TLL2: variants seen among roughly 807,000 people sequenced by gnomAD.
The protein encoded by TLL2 is tolloid like 2.
Under a neutral mutation model 123.0 loss-of-function variants are expected in TLL2, and 106 were observed. That is an observed-to-expected ratio of 0.86 (90% confidence interval 0.74 to 1.01). The LOEUF (loss-of-function observed/expected upper bound fraction) is 1.01, where lower values mean the gene tolerates loss of function less well. Among genes scored for constraint, TLL2 ranks in the 50% least tolerant of loss-of-function variants. The pLI, the probability that TLL2 is intolerant of heterozygous loss-of-function variation, is 0.00. For synonymous variants in TLL2, 494 were observed against 516.8 expected, an observed-to-expected ratio of 0.96 and a Z score of 0.60; for missense variants, 1,332 against 1,336.7, an observed-to-expected ratio of 1.00 and a Z score of 0.06.
At chr10:96,448,373 G>A (rs1252897574) in intron 2 of TLL2, among the ~76,000 whole-genome samples, 1 of 152,178 alleles carries the variant, frequency 6.6e-6, no homozygotes, top group African/African-American at 2.4e-5. Flanking sequence ...TGGTGTGGAG[G>A]CGAGCTGGAG....
At chr10:96,482,949 G>A (rs1054354090) in intron 1 of TLL2, among the ~76,000 whole-genome samples, 10 of 152,312 alleles carry the variant, frequency 6.6e-5, no homozygotes, top group East Asian at 1.9e-4. Flanking sequence ...TGTTTCTCTC[G>A]CAGAAGCTTC....
intron 7 of TLL2, among the ~76,000 whole-genome samples, chr10:96,418,099 G>A (rs1260838798): frequency 6.6e-6 from 1 of 152,150 alleles, no homozygotes; most frequent in Non-Finnish European, 1.5e-5. Context: ...TTTATTTCAT[G>A]GGTTTGGCCC....
chr10:96,365,812 C>T lies in TLL2; in HGVS notation c.*2276G>A, dbSNP rs1366771910. 6.6e-6 allele frequency: 1 copy of T among 152,212 alleles called. No individual in the cohort carries two copies. Among genetic ancestry groups the T allele is most frequent in the African/African-American group, 2.4e-5 (1 of 41,460 alleles). 9.4% of individuals were successfully genotyped at this position (152,212 alleles called of 1,614,324 possible). A position where few individuals can be genotyped will look rare whatever the true frequency, so the allele number is the denominator to read the frequency against. ...GCTTCTCTTTTCTGTGGATACGTCA[C>T]ACAGAAGGCCTAAATAAAGGTTTTT... On this transcript the variant is annotated 3_prime_UTR_variant, in exon 21 of 21. Transcript: ENST00000357947.
At chr10:96,400,063 C>A (rs540840149) in intron 10 of TLL2, among the ~76,000 whole-genome samples, 3 of 152,324 alleles carry the variant, frequency 2.0e-5, no homozygotes, top group Admixed American at 6.5e-5. Context: ...TCTACTTTGT[C>A]CCTTAACTGA....
At position 96,384,610 on chromosome 10, in the gene TLL2, C is replaced by A. The variant is rs1280449306; in HGVS notation, c.2171G>T (p.Gly724Val). The change falls in exon 16 of 21, where the codon GGC (glycine) becomes GTC (valine). Residue 724 changes from glycine (G) to valine (V), a missense_variant. Transcript: ENST00000357947. The part of the protein sequence containing the change: ...FKSDNTVSKR[G>V]FRAHFFSDKD... ...ACCTGAGAAGAAGTGGGCCCTGAAG[C>A]CGCGCTTGGAGACGGTGTTGTCGGA... 1.3e-6 allele frequency: 2 copies of A among 1,599,800 alleles called. No individual in the cohort carries two copies. The highest frequency in any genetic ancestry group is 1.7e-6 in the Non-Finnish European group (2 of 1,170,186).
At chr10:96,448,284 A>G (rs566973906) in intron 2 of TLL2, among the ~76,000 whole-genome samples, 1 of 152,246 alleles carries the variant, frequency 6.6e-6, no homozygotes, top group South Asian at 2.1e-4. Context: ...TTGCAGCAAT[A>G]TCATTTCCTC....
In TLL2 at chr10:96,480,420, A is replaced by G; in HGVS notation, c.215T>C (p.Leu72Ser). The change falls in exon 2 of 21, where the codon TTG (leucine) becomes TCG (serine). Residue 72 changes from leucine to serine, a missense_variant. Leu to Ser is a moderately radical substitution (Grantham distance 145, BLOSUM62 -2). Transcript: ENST00000357947. ...WGDIALDEDD[L>S]KLFHIDKARD... The stretch of plus-strand genomic sequence containing the variant: ...GGCTTTGTCAATGTGAAACAGCTTC[A>G]AGTCATCTTCATCTAAGGCAATGTC... 2 of 1,614,184 alleles carry G rather than the reference A, an allele frequency of 1.2e-6. No individual in the cohort carries two copies. The highest frequency in any genetic ancestry group is 1.7e-6 in the Non-Finnish European group (2 of 1,180,024).
chr10:96,497,447 C>T (rs1700536888), intron 1 of TLL2, among the ~76,000 whole-genome samples: 1 of 152,208 alleles, frequency 6.6e-6, no homozygotes, highest in South Asian at 2.1e-4. Flanking sequence ...AGGAAGCGTG[C>T]TTCTGTGGAC....
At chr10:96,385,689 G>A (rs1846227546) in intron 15 of TLL2, among the ~76,000 whole-genome samples, 1 of 152,216 alleles carries the variant, frequency 6.6e-6, no homozygotes, top group East Asian at 1.9e-4. Flanking sequence ...GAAACAGGCT[G>A]TCTGTAGCAT....
At chr10:96,404,158 G>A (rs1410967873) in intron 10 of TLL2, among the ~76,000 whole-genome samples, 2 of 152,246 alleles carry the variant, frequency 1.3e-5, no homozygotes, top group East Asian at 1.9e-4. Context: ...GGTCCCCTGG[G>A]CCCACTGTTG....
At chr10:96,482,925 G>T (rs1847324685) in intron 1 of TLL2, among the ~76,000 whole-genome samples, 1 of 152,196 alleles carries the variant, frequency 6.6e-6, no homozygotes, top group Admixed American at 6.5e-5. Context: ...TTCAGATAAA[G>T]AAAACTAAGA....
intron 2 of TLL2, among the ~76,000 whole-genome samples, chr10:96,449,220 A>C (rs1846930071): frequency 6.6e-6 from 1 of 152,206 alleles, no homozygotes; most frequent in South Asian, 2.1e-4. Context: ...TTGAGGAAGC[A>C]GAGAGAGTTA....
chr10:96,417,203 T>C (rs58479067), intron 7 of TLL2, among the ~76,000 whole-genome samples: 1,751 of 152,312 alleles, frequency 0.011, 34 homozygotes, highest in African/African-American at 0.04. Flanking sequence ...AGGCCAGCTT[T>C]AGGGTCTTTG....
chr10:96,438,831 TC>T (rs1846822584), intron 3 of TLL2, among the ~76,000 whole-genome samples: 1 of 152,202 alleles, frequency 6.6e-6, no homozygotes, highest in South Asian at 2.1e-4. Context: ...ATAATTCCTC[TC>T]TATTCCTAAT....
intron 1 of TLL2, among the ~76,000 whole-genome samples, chr10:96,498,551 C>T (rs1847501608): frequency 6.6e-6 from 1 of 152,160 alleles, no homozygotes; most frequent in Non-Finnish European, 1.5e-5. Flanking sequence ...TACTTCTCTC[C>T]CTTCTTCCAT....
At chr10:96,394,336 A>G (rs747860433) in intron 13 of TLL2, among the ~76,000 whole-genome samples, 8 of 152,122 alleles carry the variant, frequency 5.3e-5, no homozygotes, top group Non-Finnish European at 1.0e-4. Flanking sequence ...TGCAGTGGGG[A>G]GCAGCCATGC....
chr10:96,506,846 G>A (rs1486447278), intron 1 of TLL2, among the ~76,000 whole-genome samples: 4 of 152,194 alleles, frequency 2.6e-5, no homozygotes, highest in South Asian at 4.1e-4. Context: ...TTCCACTGAT[G>A]TAAGACTTGG....
In TLL2 at chr10:96,395,906, A is replaced by C; in HGVS notation, c.1499T>G (p.Phe500Cys). The change falls in exon 12 of 21, where the codon TTT (phenylalanine) becomes TGT (cysteine). Residue 500 changes from phenylalanine to cysteine, a missense_variant. Phe to Cys is a radical substitution (Grantham distance 205, BLOSUM62 -2). Transcript: ENST00000357947. Reference sequence around the variant, plus strand: ...AGCTTGGAAGGTAAGTCCCACGTGAAACCCCTCTGAAACCGTAATCCTCCA... The same window carrying C: ...AGCTTGGAAGGTAAGTCCCACGTGACACCCCTCTGAAACCGTAATCCTCCA... ...CVWRITVSEGFHVGLTFQAFE... is the reference protein window; with the variant it reads ...CVWRITVSEGCHVGLTFQAFE... 1.2e-6 allele frequency: 2 copies of C among 1,614,192 alleles called. No individual in the cohort carries two copies. Among genetic ancestry groups the C allele is most frequent in the Non-Finnish European group, 1.7e-6 (2 of 1,180,014 alleles).
intron 13 of TLL2, among the ~76,000 whole-genome samples, chr10:96,389,506 A>G (rs1472891116): frequency 1.3e-5 from 2 of 152,212 alleles, no homozygotes; most frequent in Non-Finnish European, 2.9e-5. Context: ...AAATGCTTCA[A>G]GGATGGGCCA....
Sources: allele counts gnomAD v4.1 joint callset (sites outside exome capture counted in the v4.1 genomes callset), GRCh38; gene constraint gnomAD v4.1.1; transcripts MANE v1.5; gene names NCBI Gene and HGNC (gene_info 2026-07-23, HGNC 2026-07-21).